GLDC: variants seen among roughly 807,000 people sequenced by gnomAD.
GLDC encodes the protein glycine decarboxylase.
Under a neutral mutation model 121.3 loss-of-function variants are expected in GLDC, and 104 were observed. That is an observed-to-expected ratio of 0.86 (90% CI 0.73 to 1.01). The LOEUF (loss-of-function observed/expected upper bound fraction) is 1.01. Ranked by LOEUF, GLDC falls within the 50% of genes least tolerant of loss-of-function variation. GLDC has a pLI of 0.00. For missense variants in GLDC, 1,429 were observed against 1,306.6 expected (o/e 1.09, Z -1.44); for synonymous variants, 546 against 480.6 (o/e 1.14, Z -1.78).
chr9:6,559,407 C>T (rs757638560), intron 16 of GLDC, among the ~76,000 whole-genome samples: 49 of 149,508 alleles, frequency 3.3e-4, no homozygotes, highest in South Asian at 2.1e-4. Flanking sequence ...CCCAGTTACT[C>T]GAGAGGCTGA....
intron 2 of GLDC, among the ~76,000 whole-genome samples, chr9:6,628,311 G>T (rs184168062): frequency 6.6e-6 from 1 of 152,276 alleles, no homozygotes; most frequent in African/African-American, 2.4e-5. Context: ...AATGGGAAAA[G>T]GGAAAAAGAA....
intron 20 of GLDC, 65 bp from the exon 21 acceptor site, chr9:6,550,979 C>T: frequency 2.0e-6 from 2 of 985,110 alleles, no homozygotes; most frequent in Non-Finnish European, 3.3e-6. Flanking sequence ...AAGAAACCAA[C>T]CAAAAGACAC....
intron 16 of GLDC, among the ~76,000 whole-genome samples, chr9:6,564,832 T>C (rs1051503694): frequency 2.0e-5 from 3 of 152,332 alleles, no homozygotes; most frequent in South Asian, 2.1e-4. Context: ...AAAGCAAACA[T>C]TGAAGCAGGA....
intron 9 of GLDC, 118 bp from the exon 10 acceptor site, chr9:6,593,108 G>A: frequency 9.5e-7 from 1 of 1,052,780 alleles, no homozygotes; most frequent in South Asian, 1.4e-5. Context: ...CCTGGGGAGT[G>A]CTTTGGTGAT....
At chr9:6,643,959 G>C (rs13299598) in intron 2 of GLDC, among the ~76,000 whole-genome samples, 1 of 145,568 alleles carries the variant, frequency 6.9e-6, no homozygotes, top group Non-Finnish European at 1.5e-5. Context: ...GCTTGAACCA[G>C]GGAGGCGGAG....
intron 8 of GLDC, among the ~76,000 whole-genome samples, chr9:6,601,860 G>A (rs1410108594): frequency 6.6e-6 from 1 of 152,068 alleles, no homozygotes; most frequent in East Asian, 1.9e-4. Context: ...CCAACTCCTG[G>A]GCTCCAGCAA....
In GLDC at chr9:6,548,616, T is replaced by C. The variant is rs1817445617; in HGVS notation, c.2569+2187A>G. On this transcript the variant is annotated intron_variant, in intron 21 of 24. Transcript: ENST00000321612. Reference sequence around the variant, plus strand: ...AAATTAAAGATCACAGCTATAGAGCTACATTCCACCTGGACCAGAGAAACC... The same window carrying C: ...AAATTAAAGATCACAGCTATAGAGCCACATTCCACCTGGACCAGAGAAACC... Among the ~76,000 whole-genome samples the C allele has an allele frequency of 2.0e-5, 3 of 152,142 alleles. No individual in the cohort carries two copies. The South Asian group carries it at 6.2e-4, about 31-fold the overall frequency.
intron 2 of GLDC, among the ~76,000 whole-genome samples, chr9:6,642,511 A>G (rs1489751115): frequency 2.0e-5 from 3 of 152,324 alleles, no homozygotes; most frequent in African/African-American, 7.2e-5. Context: ...AGCCTGGGCA[A>G]CAGAACAAGA....
intron 15 of GLDC, among the ~76,000 whole-genome samples, chr9:6,576,758 C>T (rs1260874637): frequency 1.3e-5 from 2 of 152,148 alleles, no homozygotes; most frequent in African/African-American, 2.4e-5. Flanking sequence ...TGAACCACCG[C>T]GTCTGGCCTG....
At chr9:6,636,335 A>T (rs1819502050) in intron 2 of GLDC, among the ~76,000 whole-genome samples, 1 of 151,594 alleles carries the variant, frequency 6.6e-6, no homozygotes, top group East Asian at 1.9e-4. Flanking sequence ...GGTGATAATG[A>T]TGCATTAATG....
chr9:6,590,527 C>G (rs1818355449), intron 11 of GLDC, among the ~76,000 whole-genome samples: 1 of 152,176 alleles, frequency 6.6e-6, no homozygotes. Flanking sequence ...CCTCCTCTCT[C>G]TCTCTTCCTT....
chr9:6,616,853 G>T (rs570828757), intron 3 of GLDC, among the ~76,000 whole-genome samples: 7 of 152,254 alleles, frequency 4.6e-5, no homozygotes, highest in Non-Finnish European at 8.8e-5. Context: ...TTTGGAATTG[G>T]GAAAGGGGGT....
intron 18 of GLDC, 69 bp downstream of exon 18, chr9:6,556,084 G>GA: frequency 7.4e-7 from 1 of 1,345,638 alleles, no homozygotes; most frequent in Admixed American, 1.8e-5. Flanking sequence ...CAAGAAGTCA[G>GA]AATTTTTTTT....
At chr9:6,606,739 G>T in intron 4 of GLDC, 70 bp from the exon 5 acceptor site, 1 of 917,370 alleles carries the variant, frequency 1.1e-6, no homozygotes, top group Non-Finnish European at 1.8e-6. Context: ...AGAACGCAAA[G>T]CAAACATAGT....
At chr9:6,597,732 C>T (rs143647940) in intron 8 of GLDC, among the ~76,000 whole-genome samples, 271 of 152,086 alleles carry the variant, frequency 1.8e-3, no homozygotes, top group Non-Finnish European at 3.3e-3. Context: ...GTCAGGAGAT[C>T]GAGACCATCC....
chr9:6,640,150 T>C (rs937368432), intron 2 of GLDC, among the ~76,000 whole-genome samples: 3 of 152,266 alleles, frequency 2.0e-5, no homozygotes, highest in Admixed American at 2.0e-4. Context: ...AATATGCAAG[T>C]CTGACTCCCT....
chr9:6,538,339 G>T (rs925509131), intron 22 of GLDC, among the ~76,000 whole-genome samples: 2 of 152,122 alleles, frequency 1.3e-5, no homozygotes, highest in Non-Finnish European at 2.9e-5. Context: ...TCTGATAATT[G>T]GTCTGATAAT....
chr9:6,546,424 T>C (rs1188611312), intron 21 of GLDC, among the ~76,000 whole-genome samples: 1 of 149,576 alleles, frequency 6.7e-6, no homozygotes, highest in East Asian at 2.0e-4. Context: ...GGTCTCAGAC[T>C]CCTGGGCTCA....
At chr9:6,561,522 GC>G (rs1554644375) in intron 16 of GLDC, among the ~76,000 whole-genome samples, 1 of 152,092 alleles carries the variant, frequency 6.6e-6, no homozygotes, top group Non-Finnish European at 1.5e-5. Context: ...GGTGGTGCAC[GC>G]CTACAGTCCC....
Sources: gnomAD v4.1 joint callset for allele counts (sites outside exome capture counted in the v4.1 genomes callset) on GRCh38, gnomAD v4.1.1 for gene constraint, MANE v1.5 for transcripts, NCBI Gene and HGNC (gene_info 2026-07-23, HGNC 2026-07-21) for gene names.